The following BRINP3 variants were observed in gnomAD, a reference collection of about 807,000 sequenced individuals.
BRINP3 encodes BMP/retinoic acid inducible neural specific 3.
In BRINP3, 19 loss-of-function variants were observed where a neutral mutation model predicts 71.0. That is an observed-to-expected ratio of 0.27 (90% CI 0.19 to 0.39). BRINP3 has a LOEUF of 0.39. Ranked by LOEUF, BRINP3 falls within the 10% of genes least tolerant of loss-of-function variation. The pLI, the probability that BRINP3 is intolerant of heterozygous loss-of-function variation, is 1.00. For missense variants in BRINP3, 959 were observed against 940.8 expected (o/e 1.02, Z -0.25); for synonymous variants, 380 against 337.7 (o/e 1.13, Z -1.37).
chr1:190,124,771 G>A (rs1257409285), intron 7 of BRINP3, among the ~76,000 whole-genome samples: 6 of 152,046 alleles, frequency 3.9e-5, no homozygotes, highest in Non-Finnish European at 8.8e-5. Context: ...ACAGGGAAGG[G>A]AGAAGAGTGG....
At chr1:190,123,363 C>T (rs1258102363) in intron 7 of BRINP3, among the ~76,000 whole-genome samples, 2 of 137,266 alleles carry the variant, frequency 1.5e-5, no homozygotes, top group Non-Finnish European at 1.7e-5. Context: ...CGACTTCAGT[C>T]TCTGACTCAG....
chr1:190,432,024 T>A (rs1250158422), intron 2 of BRINP3, among the ~76,000 whole-genome samples: 1 of 152,118 alleles, frequency 6.6e-6, no homozygotes, highest in Non-Finnish European at 1.5e-5. Context: ...CTAAAGGTAC[T>A]AGGAGAACAC....
chr1:190,264,962 A>T lies in BRINP3; in HGVS notation c.521T>A (p.Leu174Gln). The change falls in exon 4 of 8, where the codon CTG becomes CAG. Residue 174 changes from leucine (L) to glutamine (Q), a missense_variant. Transcript: ENST00000367462. ...AGCGGCTAGCTGATGTAGCGTCTCCAGAGTGACCGAAGAGCTATTGGTGGT... is the reference window on the plus strand; with the variant it reads ...AGCGGCTAGCTGATGTAGCGTCTCCTGAGTGACCGAAGAGCTATTGGTGGT... Reference protein sequence around the residue: ...DSTTNSSSVTLETLHQLAASY... With the variant: ...DSTTNSSSVTQETLHQLAASY... 6.2e-7 allele frequency: 1 copy of T among 1,612,970 alleles called. No individual in the cohort carries two copies. The highest frequency in any genetic ancestry group is 8.5e-7 in the Non-Finnish European group (1 of 1,179,604).
chr1:190,408,286 C>T (rs1053203282), intron 2 of BRINP3, among the ~76,000 whole-genome samples: 5 of 151,800 alleles, frequency 3.3e-5, no homozygotes, highest in Non-Finnish European at 7.4e-5. Flanking sequence ...CCTTGAGATC[C>T]GCCCACCTCG....
intron 2 of BRINP3, among the ~76,000 whole-genome samples, chr1:190,445,358 A>T (rs2102581874): frequency 6.6e-6 from 1 of 152,274 alleles, no homozygotes; most frequent in East Asian, 1.9e-4. Flanking sequence ...ATAATATTAT[A>T]ACTTAATATT....
chr1:190,348,687 C>T (rs1343567428), intron 2 of BRINP3, among the ~76,000 whole-genome samples: 1 of 152,120 alleles, frequency 6.6e-6, no homozygotes, highest in Non-Finnish European at 1.5e-5. Context: ...ACTATTTTGA[C>T]TTGCACTGCA....
intron 7 of BRINP3, among the ~76,000 whole-genome samples, chr1:190,116,865 C>T (rs898794752): frequency 6.6e-6 from 1 of 152,040 alleles, no homozygotes; most frequent in African/African-American, 2.4e-5. Flanking sequence ...TTTCTGTATA[C>T]AAAACAAATT....
intron 4 of BRINP3, among the ~76,000 whole-genome samples, chr1:190,249,216 A>T (rs1315307570): frequency 1.3e-5 from 2 of 151,836 alleles, no homozygotes; most frequent in Non-Finnish European, 2.9e-5. Flanking sequence ...AATAAAAATC[A>T]TGTCACGTTC....
At chr1:190,327,326 C>CAAAA (rs1227478693) in intron 2 of BRINP3, among the ~76,000 whole-genome samples, 42 of 44,220 alleles carry the variant, frequency 9.5e-4, no homozygotes, top group African/African-American at 1.3e-3. Context: ...AAAAAAAGAA[C>CAAAA]AAAAAAAAAA....
chr1:190,140,263 TAACATTCAA>T (rs1040032779), intron 7 of BRINP3, among the ~76,000 whole-genome samples: 21 of 152,328 alleles, frequency 1.4e-4, no homozygotes, highest in Admixed American at 4.6e-4. Flanking sequence ...CACTTTTCAC[TAACATTCAA>T]AACCATCTTG....
At chr1:190,292,452 G>A (rs777421397) in intron 2 of BRINP3, among the ~76,000 whole-genome samples, 3 of 152,018 alleles carry the variant, frequency 2.0e-5, no homozygotes, top group African/African-American at 7.2e-5. Flanking sequence ...CCAGGAGTTC[G>A]AGAGAAGCAT....
rs58812288 is a variant in BRINP3 at position 190,301,211 on chromosome 1, A to ATG, written c.237-19462_237-19461insCA. Among the ~76,000 whole-genome samples the ATG allele has an allele frequency of 1.2e-3, 45 of 37,538 alleles. 1 individual carries two copies. Among genetic ancestry groups the ATG allele is most frequent in the African/African-American group, 2.7e-3 (40 of 14,860 alleles). 24.6% of individuals were successfully genotyped at this position (37,538 alleles called of 152,430 possible). A position where few individuals can be genotyped will look rare whatever the true frequency, so the allele number is the denominator to read the frequency against. ...TGTATATATATACACATACATATAT[A>ATG]TATATATATATATATATATATATAC... On this transcript the variant is annotated intron_variant, in intron 2 of 7. Coordinates refer to ENST00000367462, the MANE Select transcript of BRINP3 (RefSeq NM_199051.3).
intron 2 of BRINP3, among the ~76,000 whole-genome samples, chr1:190,332,887 G>A (rs1667058469): frequency 6.6e-6 from 1 of 151,672 alleles, no homozygotes; most frequent in Non-Finnish European, 1.5e-5. Flanking sequence ...ATGTTGAGTG[G>A]CCCTCCAGTG....
At chr1:190,462,938 T>A (rs1304100446) in intron 1 of BRINP3, among the ~76,000 whole-genome samples, 1 of 151,954 alleles carries the variant, frequency 6.6e-6, no homozygotes, top group Admixed American at 6.6e-5. Flanking sequence ...TTTCATTGAG[T>A]GTTTGCTTTG....
At chr1:190,352,673 T>A (rs938736786) in intron 2 of BRINP3, among the ~76,000 whole-genome samples, 1 of 152,082 alleles carries the variant, frequency 6.6e-6, no homozygotes, top group Non-Finnish European at 1.5e-5. Context: ...TATAACCTAA[T>A]GTGTACTCTG....
chr1:190,327,995 C>T (rs957900565), intron 2 of BRINP3, among the ~76,000 whole-genome samples: 8 of 152,050 alleles, frequency 5.3e-5, no homozygotes, highest in Non-Finnish European at 7.4e-5. Flanking sequence ...GAAGATATCT[C>T]GAAACCACAC....
At chr1:190,260,499 T>C (rs1169826553) in intron 4 of BRINP3, among the ~76,000 whole-genome samples, 1 of 151,930 alleles carries the variant, frequency 6.6e-6, no homozygotes, top group Non-Finnish European at 1.5e-5. Context: ...TTATGAATGG[T>C]CCATATGCAT....
chr1:190,239,195 A>G (rs1362037062), intron 4 of BRINP3, among the ~76,000 whole-genome samples: 1 of 152,138 alleles, frequency 6.6e-6, no homozygotes, highest in African/African-American at 2.4e-5. Context: ...ACATTTTGAG[A>G]TGAGATTTGG....
Position 190,145,074 on chromosome 1 carries a change from A to G in BRINP3, c.1184+15594T>C, listed in dbSNP as rs180971754. On this transcript the variant is annotated intron_variant, in intron 7 of 7. Coordinates refer to ENST00000367462, the MANE Select transcript of BRINP3 (RefSeq NM_199051.3). The stretch of plus-strand genomic sequence containing the variant: ...TCCATAATACTGATAATCTTCAAAA[A>G]TAATATATAATTTGCCCATTTACTT... Among the ~76,000 whole-genome samples, 7 of 152,228 alleles carry G rather than the reference A, an allele frequency of 4.6e-5. No individual in the cohort carries two copies. In the East Asian group the frequency reaches 1.4e-3, roughly 29 times the overall value.
Sources: allele counts gnomAD v4.1 joint callset (sites outside exome capture counted in the v4.1 genomes callset), GRCh38; gene constraint gnomAD v4.1.1; transcripts MANE v1.5; gene names NCBI Gene and HGNC (gene_info 2026-07-23, HGNC 2026-07-21).